Variants in GPANK1 observed in about 807,000 individuals in gnomAD.
GPANK1 encodes the protein G patch domain and ankyrin repeat-containing protein 1.
GPANK1 carries 22 observed loss-of-function variants against 24.0 expected under a neutral mutation model. That is an observed-to-expected ratio of 0.92 (90% CI 0.66 to 1.31). The LOEUF (loss-of-function observed/expected upper bound fraction) is 1.31. Among genes scored for constraint, GPANK1 ranks in the 50% most tolerant of loss-of-function variants. The pLI, the probability that GPANK1 is intolerant of heterozygous loss-of-function variation, is 0.00. For missense variants in GPANK1, 469 were observed against 453.5 expected, an observed-to-expected ratio of 1.03 and a Z score of -0.31; for synonymous variants, 174 against 177.4, an observed-to-expected ratio of 0.98 and a Z score of 0.15.
upstream of GPANK1, chr6:31,665,506 G>T: frequency 6.4e-7 from 1 of 1,558,100 alleles, no homozygotes; most frequent in South Asian, 1.2e-5. Flanking sequence ...TAGCGCACTG[G>T]GACGTTCCAG....
At position 31,662,871 on chromosome 6, in the gene GPANK1, C is replaced by T. The variant is rs1409573534; in HGVS notation, c.627-161G>A. On this transcript the variant is annotated intron_variant, in intron 2 of 2. Transcript: ENST00000375896. This position sits in a 1 kb window ranked among gnomAD's most constrained non-coding sequence, Gnocchi z 5.5. ...GTGGCTCACGCCTGTAATCCCAACA[C>T]TTTGGGAGGCAGAGGCGGGCAGATG... Among the ~76,000 whole-genome samples, 1 of 151,732 alleles carries T rather than the reference C, an allele frequency of 6.6e-6. No homozygotes were observed. Among genetic ancestry groups the T allele is most frequent in the East Asian group, 1.9e-4 (1 of 5,184 alleles).
At chr6:31,665,465 G>T (rs1344531350), upstream of GPANK1, 2 of 1,569,888 alleles carry the variant, frequency 1.3e-6, no homozygotes, top group Admixed American at 1.9e-5. Context: ...AGTGCAAAGG[G>T]ACGAGCAGAA....
rs1281605742 is a variant in GPANK1, at chr6:31,662,718, G to A, written c.627-8C>T. ...AGGGAGGGAGTAGGAGACCTGCAGA[G>A]AAAGAAGAAAAAGCATTAAGGGCAG... On this transcript the variant is annotated splice_polypyrimidine_tract_variant and splice_region_variant and intron_variant, in intron 2 of 2. Transcript: ENST00000375896. The surrounding 1 kb of genome is among the most constrained non-coding windows in gnomAD (Gnocchi z 5.5). 3 of 1,548,260 alleles carry A rather than the reference G, an allele frequency of 1.9e-6. No individual in the cohort carries two copies. The highest frequency in any genetic ancestry group is 2.7e-5 in the African/African-American group (2 of 72,946).
At position 31,663,843 on chromosome 6, in the gene GPANK1, T is replaced by C; in HGVS notation, c.626+10A>G. ...ATGAGACATGGGTCTGAGCTAAAGT[T>C]TCCCCTTACCGGTTTTCCGGGCTCC... On this transcript the variant is annotated intron_variant, in intron 2 of 2. Transcript: ENST00000375896. 1 of 1,541,262 alleles carries C rather than the reference T, an allele frequency of 6.5e-7. No individual in the cohort carries two copies. The highest frequency in any genetic ancestry group is 1.3e-5 in the South Asian group (1 of 78,938).
rs765697080 is a variant in GPANK1, at chr6:31,662,536, GC to G, written c.800del (p.Gly267AlafsTer30). The part of the protein sequence containing the change: ...SPGFKLLLRG[G>X]WEPGMGLGPR... ...GTCCCAGCCCCATTCCTGGCTCCCA[GC>G]CCCCCCTCAGCAGCAGTTTGAAGCC... On this transcript the variant is annotated frameshift_variant, in exon 3 of 3. Coordinates refer to ENST00000375896, the MANE Select transcript of GPANK1 (RefSeq NM_033177.4). LOFTEE classifies it high-confidence loss of function. The surrounding 1 kb of genome is among the most constrained non-coding windows in gnomAD (Gnocchi z 5.5). 3.7e-6 allele frequency: 6 copies of G among 1,612,706 alleles called. No individual in the cohort carries two copies. Among genetic ancestry groups the G allele is most frequent in the African/African-American group, 2.7e-5 (2 of 74,898 alleles).
At chr6:31,665,184 G>C, upstream of GPANK1, 2 of 499,398 alleles carry the variant, frequency 4.0e-6, no homozygotes, top group Non-Finnish European at 3.6e-6. Context: ...CGCGCGCCCA[G>C]GTGGCGCGAG....
chr6:31,662,760 A>G lies in GPANK1; in HGVS notation c.627-50T>C, dbSNP rs913079443. 1 of 1,230,658 alleles carries G rather than the reference A, an allele frequency of 8.1e-7. No homozygotes were observed. The highest frequency in any genetic ancestry group is 1.5e-5 in the African/African-American group (1 of 66,552). 76.2% of individuals were successfully genotyped at this position (1,230,658 alleles called of 1,614,324 possible). A position where few individuals can be genotyped will look rare whatever the true frequency, so the allele number is the denominator to read the frequency against. On this transcript the variant is annotated intron_variant, in intron 2 of 2. Transcript: ENST00000375896. This position sits in a 1 kb window ranked among gnomAD's most constrained non-coding sequence, Gnocchi z 5.5. ...TAAGGGCAGGGGAAGGAAAAGGGGA[A>G]GAGTTGAGGCCTCAGAGGGGGCTGG...
chr6:31,664,145 C>G lies in GPANK1; in HGVS notation c.334G>C (p.Ala112Pro). Residue 112 changes from alanine (A) to proline (P), a missense_variant, in exon 2 of 3, where the codon GCC (alanine) becomes CCC (proline). By Grantham distance (27) the Ala-to-Pro change is conservative (BLOSUM62 -1). Transcript: ENST00000375896. ...AGTTCTGGCAGGTCCCCCTCCTGGG[C>G]TGCCCTCAGTATCCGGTGAGTCATC... ...DKMTHRILRA[A>P]QEGDLPELRR... 2 of 1,614,258 alleles carry G rather than the reference C, an allele frequency of 1.2e-6. No homozygotes were observed. Among genetic ancestry groups the G allele is most frequent in the Non-Finnish European group, 8.5e-7 (1 of 1,180,034 alleles).
Position 31,662,768 on chromosome 6 carries a change from G to T in GPANK1, c.627-58C>A. On this transcript the variant is annotated intron_variant, in intron 2 of 2. Transcript: ENST00000375896. This position sits in a 1 kb window ranked among gnomAD's most constrained non-coding sequence, Gnocchi z 5.5. ...GGGGAAGGAAAAGGGGAAGAGTTGAGGCCTCAGAGGGGGCTGGCAGGGTAG... is the reference window on the plus strand; with the variant it reads ...GGGGAAGGAAAAGGGGAAGAGTTGATGCCTCAGAGGGGGCTGGCAGGGTAG... The T allele has an allele frequency of 2.8e-6, 3 of 1,084,512 alleles. No homozygotes were observed. The highest frequency in any genetic ancestry group is 2.7e-6 in the Non-Finnish European group (2 of 741,168). The allele number at this position is 1,084,512 out of a possible 1,614,324, so 67.2% of individuals were successfully genotyped here.
In GPANK1 at chr6:31,662,294, A is replaced by G. The variant is rs1800959973; in HGVS notation, c.1043T>C (p.Leu348Pro). The change falls in exon 3 of 3, where the codon CTA becomes CCA. Residue 348 changes from leucine to proline, a missense_variant. Transcript: ENST00000375896. The surrounding 1 kb of genome is among the most constrained non-coding windows in gnomAD (Gnocchi z 5.5). ...EEKDRAWERD[L>P]RTYMNLEF ...GAACTCGAGGTTCATGTAAGTCCTT[A>G]GATCCCGCTCCCAAGCCCTGTCTTT... is the stretch of plus-strand genomic sequence containing the variant. 6.4e-7 allele frequency: 1 copy of G among 1,564,908 alleles called. No homozygotes were observed. The highest frequency in any genetic ancestry group is 8.7e-7 in the Non-Finnish European group (1 of 1,152,728).
Position 31,662,147 on chromosome 6 carries a change from T to C in GPANK1, c.*119A>G, listed in dbSNP as rs1583566614. 2 of 593,232 alleles carry C rather than the reference T, an allele frequency of 3.4e-6. No individual in the cohort carries two copies. The highest frequency in any genetic ancestry group is 2.8e-5 in the South Asian group (1 of 36,144). 36.7% of individuals were successfully genotyped at this position (593,232 alleles called of 1,614,324 possible). A position where few individuals can be genotyped will look rare whatever the true frequency, so the allele number is the denominator to read the frequency against. On this transcript the variant is annotated 3_prime_UTR_variant, in exon 3 of 3. Transcript: ENST00000375896. The surrounding 1 kb of genome is among the most constrained non-coding windows in gnomAD (Gnocchi z 5.5). ...CCGTCTCTCACGAAGACAGAGCCTA[T>C]TGACCAAAAACTTCAGGATCTGCAT...
chr6:31,662,734 T>C lies in GPANK1; in HGVS notation c.627-24A>G. 6.1e-6 allele frequency: 9 copies of C among 1,481,282 alleles called. No homozygotes were observed. The highest frequency in any genetic ancestry group is 8.3e-6 in the Non-Finnish European group (9 of 1,080,482). The allele number at this position is 1,481,282 out of a possible 1,614,324, so 91.8% of individuals were successfully genotyped here. A position where few individuals can be genotyped will look rare whatever the true frequency, so the allele number is the denominator to read the frequency against. On this transcript the variant is annotated intron_variant, in intron 2 of 2. Transcript: ENST00000375896. This position sits in a 1 kb window ranked among gnomAD's most constrained non-coding sequence, Gnocchi z 5.5. ...ACCTGCAGAGAAAGAAGAAAAAGCATTAAGGGCAGGGGAAGGAAAAGGGGA... is the reference window on the plus strand; with the variant it reads ...ACCTGCAGAGAAAGAAGAAAAAGCACTAAGGGCAGGGGAAGGAAAAGGGGA...
At chr6:31,663,043 G>A (rs750848590) in intron 2 of GPANK1, among the ~76,000 whole-genome samples, 1 of 148,570 alleles carries the variant, frequency 6.7e-6, no homozygotes, top group African/African-American at 2.5e-5. Context: ...CCACCTTAGC[G>A]ATTCTCCTGC....
At chr6:31,665,491 CAGGTT>C (rs763522770), upstream of GPANK1, 343 of 1,563,772 alleles carry the variant, frequency 2.2e-4, 26 homozygotes, top group East Asian at 1.5e-3. Flanking sequence ...GGCACCACCT[CAGGTT>C]AGCGCACTGG....
chr6:31,665,173 CCGCG>C, upstream of GPANK1: 1 of 489,472 alleles, frequency 2.0e-6, no homozygotes. Context: ...GAGCAAAGCT[CCGCG>C]CGCCCAGGTG....
At position 31,664,204 on chromosome 6, in the gene GPANK1, T is replaced by C. The variant is rs1801306992; in HGVS notation, c.275A>G (p.His92Arg). ...AGCCTCAAGGGATCTCCCTTGTCCA[T>C]GTCTTCCTGATGCTCCTTCTGCCAC... ...EAVAEGASGR[H>R]GQGRSLEAED... Residue 92 changes from histidine to arginine, a missense_variant, in exon 2 of 3, where the codon CAT (histidine) becomes CGT (arginine). Coordinates refer to ENST00000375896, the MANE Select transcript of GPANK1 (RefSeq NM_033177.4). 4 of 1,614,256 alleles carry C rather than the reference T, an allele frequency of 2.5e-6. No individual in the cohort carries two copies. The South Asian group carries it at 3.3e-5, about 13-fold the overall frequency.
chr6:31,664,669 CTT>C (rs899459103), intron 1 of GPANK1, 92 bp from the exon 2 acceptor site: 1 of 585,744 alleles, frequency 1.7e-6, no homozygotes, highest in African/African-American at 1.9e-5. Flanking sequence ...GGGAGAGAGA[CTT>C]TGCGTAAAAA....
Position 31,663,900 on chromosome 6 carries a change from G to A in GPANK1, c.579C>T (p.Ala193=). Reference sequence around the variant, plus strand: ...CTCCATGGCTCTCCCTGACCATGCGGGCTACCTCAGGGAAGCCAGCTTCTT... The same window carrying A: ...CTCCATGGCTCTCCCTGACCATGCGAGCTACCTCAGGGAAGCCAGCTTCTT... ...LAEEAGFPEV[A]RMVRESHGET... is the part of the protein sequence containing the mutation. Residue 193 remains alanine, a synonymous_variant, in exon 2 of 3, where the codon GCC becomes GCT. Transcript: ENST00000375896. The A allele has an allele frequency of 1.2e-6, 2 of 1,606,070 alleles. No homozygotes were observed. The highest frequency in any genetic ancestry group is 1.7e-6 in the Non-Finnish European group (2 of 1,175,870).
chr6:31,663,664 CAAGT>C (rs1801204061), intron 2 of GPANK1, among the ~76,000 whole-genome samples, 185 bp downstream of exon 2: 1 of 152,214 alleles, frequency 6.6e-6, no homozygotes, highest in African/African-American at 2.4e-5. Flanking sequence ...GTTGTTTGCC[CAAGT>C]AAGTGGAATC....
Sources: gnomAD v4.1 joint callset for allele counts (sites outside exome capture counted in the v4.1 genomes callset) on GRCh38, gnomAD v4.1.1 for gene constraint, Gnocchi (gnomAD v3.1) non-coding constraint, MANE v1.5 for transcripts, NCBI Gene and HGNC (gene_info 2026-07-23, HGNC 2026-07-21) for gene names.